The following VPS13D variants were observed in gnomAD, a reference collection of about 807,000 sequenced individuals.
VPS13D encodes vacuolar protein sorting 13 homolog D, also known as intermembrane lipid transfer protein VPS13D.
A neutral mutation model predicts 461.9 loss-of-function variants in VPS13D; 187 were observed. The ratio of observed to expected loss-of-function variants is 0.40; its 90% CI spans 0.36 to 0.46. VPS13D has a LOEUF of 0.46. Among genes scored for constraint, VPS13D ranks in the 20% least tolerant of loss-of-function variants. The probability of loss-of-function intolerance (pLI) is 0.60; values close to 1 mark genes in which losing one functional copy is unlikely to be tolerated. For missense variants in VPS13D, 4,711 were observed against 5,364.9 expected, an observed-to-expected ratio of 0.88 and a Z score of 3.81; for synonymous variants, 1,951 against 1,986.3, an observed-to-expected ratio of 0.98 and a Z score of 0.47.
intron 67 of VPS13D, among the ~76,000 whole-genome samples, chr1:12,483,843 C>A (rs1645757427): frequency 1.3e-5 from 2 of 152,068 alleles, no homozygotes; most frequent in African/African-American, 2.4e-5. Context: ...ACTAAAAATA[C>A]AAAAATTACC....
chr1:12,285,975 TTCCTTTCCTTTCCTTTCCTCTCCTC>T (rs1229415533), intron 21 of VPS13D, among the ~76,000 whole-genome samples: 15 of 125,442 alleles, frequency 1.2e-4, no homozygotes, highest in African/African-American at 2.9e-4. Flanking sequence ...TTCCTTTCCT[TTCCTTTCCTTTCCTTTCCTCTCCTC>T]TCCTCTCCTC....
chr1:12,420,991 T>G (rs919932733), intron 65 of VPS13D, among the ~76,000 whole-genome samples: 4 of 152,208 alleles, frequency 2.6e-5, no homozygotes, highest in South Asian at 2.1e-4. Flanking sequence ...CTCATTTCTT[T>G]TTTCTCCCCC....
chr1:12,470,656 C>G (rs977956950), intron 67 of VPS13D, among the ~76,000 whole-genome samples: 3 of 152,202 alleles, frequency 2.0e-5, no homozygotes, highest in African/African-American at 7.2e-5. Context: ...GGACAAACTG[C>G]TCTGAAGAAT....
In VPS13D at chr1:12,507,838, G is replaced by A. The variant is rs1406680625; in HGVS notation, c.13035+745G>A. ...CTTGCGGATCTGTCTCTGGCCAGTC[G>A]GCCCTGGAGGCTTGCCATGACACCC... On this transcript the variant is annotated intron_variant, in intron 69 of 69. Transcript: ENST00000620676. This position sits in a 1 kb window ranked among gnomAD's most constrained non-coding sequence, Gnocchi z 5.3. 6.6e-6 allele frequency among the ~76,000 whole-genome samples: 1 copy of A among 152,198 alleles called. No individual in the cohort carries two copies. The highest frequency in any genetic ancestry group is 1.5e-5 in the Non-Finnish European group (1 of 68,040).
chr1:12,276,564 T>C lies in VPS13D; in HGVS notation c.2976T>C (p.Tyr992=), dbSNP rs369856896. ...GTNAHFVKRP[Y]DAEVSLTVHG... ...ATGCTCACTTTGTGAAGAGGCCTTA[T>C]GATGCTGAAGTCTCCCTAACTGTTC... The change falls in exon 19 of 70, where the codon TAT becomes TAC. Residue 992 remains tyrosine (Y), a synonymous_variant. Coordinates refer to ENST00000620676, the MANE Select transcript of VPS13D (RefSeq NM_015378.4). This position sits in a 1 kb window ranked among gnomAD's most constrained non-coding sequence, Gnocchi z 4.5. The C allele has an allele frequency of 8.7e-6, 14 of 1,614,110 alleles. No homozygotes were observed. The highest frequency in any genetic ancestry group is 3.3e-4 in the Middle Eastern group (2 of 6,084).
At chr1:12,373,309 C>T (rs1043477243) in intron 54 of VPS13D, among the ~76,000 whole-genome samples, 3 of 151,490 alleles carry the variant, frequency 2.0e-5, no homozygotes, top group Admixed American at 6.6e-5. Flanking sequence ...TTAATAGAGA[C>T]GGGATTTTGC....
intron 65 of VPS13D, among the ~76,000 whole-genome samples, chr1:12,428,432 T>A (rs2100288010): frequency 6.6e-6 from 1 of 152,326 alleles, no homozygotes; most frequent in South Asian, 2.1e-4. Flanking sequence ...GTTAGGCACA[T>A]AAGGATGATC....
At chr1:12,426,923 A>G (rs545658247) in intron 65 of VPS13D, among the ~76,000 whole-genome samples, 66 of 152,256 alleles carry the variant, frequency 4.3e-4, no homozygotes, top group African/African-American at 1.4e-3. Context: ...CTGAGGCAGG[A>G]GAATTGCTTG....
chr1:12,500,206 G>A (rs1428246281), intron 68 of VPS13D: 4 of 984,332 alleles, frequency 4.1e-6, no homozygotes, highest in Non-Finnish European at 4.8e-6. Context: ...ATATTAAAAA[G>A]ATAGTTACCA....
At chr1:12,331,150 A>C (rs1643321935) in intron 37 of VPS13D, among the ~76,000 whole-genome samples, 1 of 152,218 alleles carries the variant, frequency 6.6e-6, no homozygotes, top group Non-Finnish European at 1.5e-5. Flanking sequence ...TATTAGGGCC[A>C]AGTGGTTTGA....
chr1:12,355,435 A>G (rs1179691463), intron 47 of VPS13D, among the ~76,000 whole-genome samples: 1 of 152,206 alleles, frequency 6.6e-6, no homozygotes, highest in Non-Finnish European at 1.5e-5. Context: ...GATTTTTAGT[A>G]TTCTAATTAG....
chr1:12,294,585 C>T (rs1383278174), intron 24 of VPS13D, among the ~76,000 whole-genome samples: 2 of 151,768 alleles, frequency 1.3e-5, no homozygotes, highest in Middle Eastern at 3.2e-3. Context: ...GAGGCCGAGG[C>T]GGGCAGATCA....
intron 65 of VPS13D, among the ~76,000 whole-genome samples, chr1:12,433,958 GTGT>G (rs1174173835): frequency 1.3e-5 from 2 of 151,382 alleles, no homozygotes; most frequent in African/African-American, 4.9e-5. Flanking sequence ...GAGTGTGTGT[GTGT>G]GTGTGTGTGG....
rs1644558536 is a variant in VPS13D at position 12,400,342 on chromosome 1, G to A, written c.11784+12G>A. The A allele has an allele frequency of 6.2e-7, 1 of 1,613,656 alleles. No individual in the cohort carries two copies. Among genetic ancestry groups the A allele is most frequent in the Non-Finnish European group, 8.5e-7 (1 of 1,179,814 alleles). ...CCAACATCTACAAGGTGGGCTGGTG[G>A]AGGAGGCTGGTGGGTTGATGCCATG... On this transcript the variant is annotated intron_variant, in intron 61 of 69. Coordinates refer to ENST00000620676, the MANE Select transcript of VPS13D (RefSeq NM_015378.4).
Position 12,329,902 on chromosome 1 carries a change from T to C in VPS13D, c.8271T>C (p.Tyr2757=), listed in dbSNP as rs946960975. The C allele has an allele frequency of 3.1e-6, 5 of 1,613,174 alleles. No homozygotes were observed. The highest frequency in any genetic ancestry group is 3.4e-6 in the Non-Finnish European group (4 of 1,179,592). The part of the protein sequence containing the change: ...YAHFTLSGDY[Y]NRALSGWEPF... ...ACTTCACCCTTTCTGGAGATTATTA[T>C]AACCGTGCTCTTTCAGGTCAGTATA... is the stretch of plus-strand genomic sequence containing the variant. Residue 2757 remains tyrosine, a synonymous_variant, in exon 37 of 70, where the codon TAT becomes TAC. Transcript: ENST00000620676.
chr1:12,455,028 C>A (rs1400034712), intron 65 of VPS13D, among the ~76,000 whole-genome samples: 1 of 152,156 alleles, frequency 6.6e-6, no homozygotes, highest in Non-Finnish European at 1.5e-5. Context: ...CTTTTTATCC[C>A]AGCTTTGATG....
intron 6 of VPS13D, among the ~76,000 whole-genome samples, chr1:12,250,160 C>G (rs886711311): frequency 6.6e-6 from 1 of 152,222 alleles, no homozygotes; most frequent in East Asian, 1.9e-4. Flanking sequence ...GCCACACCCC[C>G]CTCCAGTGTT....
At chr1:12,410,971 T>G (rs1399067542) in intron 63 of VPS13D, among the ~76,000 whole-genome samples, 1 of 152,238 alleles carries the variant, frequency 6.6e-6, no homozygotes, top group African/African-American at 2.4e-5. Context: ...TTTCATCTGT[T>G]TAGGTCTATC....
At chr1:12,384,858 C>T (rs914525322) in intron 58 of VPS13D, among the ~76,000 whole-genome samples, 10 of 152,192 alleles carry the variant, frequency 6.6e-5, no homozygotes, top group Non-Finnish European at 1.3e-4. Context: ...TGGGATCAAG[C>T]GATCTTCCCA....
Sources: allele counts gnomAD v4.1 joint callset (sites outside exome capture counted in the v4.1 genomes callset), GRCh38; gene constraint gnomAD v4.1.1; non-coding constraint Gnocchi (gnomAD v3.1); transcripts MANE v1.5; gene names NCBI Gene and HGNC (gene_info 2026-07-23, HGNC 2026-07-21).